The following EYS variants were observed in gnomAD, a reference collection of about 807,000 sequenced individuals.
The protein encoded by EYS is EGF-like photoreceptor maintenance factor, also known as protein eyes shut homolog.
Under a neutral mutation model 282.1 loss-of-function variants are expected in EYS, and 250 were observed. The ratio of observed to expected loss-of-function variants is 0.89; its 90% CI spans 0.80 to 0.98. The LOEUF is 0.98. Ranked by LOEUF, EYS falls within the 50% of genes least tolerant of loss-of-function variation. The probability of loss-of-function intolerance (pLI) is 0.00; values close to 1 mark genes in which losing one functional copy is unlikely to be tolerated. For synonymous variants in EYS, 1,355 were observed against 1,282.9 expected, an observed-to-expected ratio of 1.06 and a Z score of -1.20; for missense variants, 4,016 against 3,709.0, an observed-to-expected ratio of 1.08 and a Z score of -2.15.
intron 24 of EYS, among the ~76,000 whole-genome samples, chr6:64,605,764 A>G (rs1426654917): frequency 6.6e-6 from 1 of 151,964 alleles, no homozygotes; most frequent in Admixed American, 6.6e-5. Context: ...TGGTAAGAAT[A>G]CATGGAATTA....
In EYS at chr6:65,185,818, T is replaced by G. The variant is rs1314400426; in HGVS notation, c.2023+110045A>C. Reference sequence around the variant, plus strand: ...CCTGGCTACTATTTATAGTATGTTCTTGGTTTTATTATGTGATTTTATTTA... The same window carrying G: ...CCTGGCTACTATTTATAGTATGTTCGTGGTTTTATTATGTGATTTTATTTA... On this transcript the variant is annotated intron_variant, in intron 12 of 42. Transcript: ENST00000503581. Among the ~76,000 whole-genome samples the G allele has an allele frequency of 4.6e-5, 7 of 151,830 alleles. No individual in the cohort carries two copies. The Admixed American group carries it at 4.6e-4, about 10-fold the overall frequency.
At chr6:65,582,123 G>A (rs1764895289) in intron 2 of EYS, among the ~76,000 whole-genome samples, 1 of 151,664 alleles carries the variant, frequency 6.6e-6, no homozygotes, top group Non-Finnish European at 1.5e-5. Context: ...TTGAACCCAG[G>A]AGGCGGAGGT....
At position 64,969,119 on chromosome 6, in the gene EYS, C is replaced by A. The variant is rs531675117; in HGVS notation, c.2260-23205G>T. Among the ~76,000 whole-genome samples, 32 of 152,024 alleles carry A rather than the reference C, an allele frequency of 2.1e-4. No homozygotes were observed. In the South Asian group the frequency reaches 6.4e-3, roughly 31 times the overall value. The stretch of plus-strand genomic sequence containing the variant: ...AAAAAAAAAATCTCATTTCCTAAAA[C>A]TTTTCCTGGGGAATCTCCCTTAAAA... On this transcript the variant is annotated intron_variant, in intron 14 of 42. Transcript: ENST00000503581.
chr6:64,467,970 A>T (rs938308884), intron 26 of EYS, among the ~76,000 whole-genome samples: 1 of 151,994 alleles, frequency 6.6e-6, no homozygotes, highest in African/African-American at 2.4e-5. Flanking sequence ...TACTACCACC[A>T]TTAACAACAT....
chr6:64,133,316 C>T (rs957738103), intron 31 of EYS, among the ~76,000 whole-genome samples: 6 of 151,980 alleles, frequency 3.9e-5, no homozygotes, highest in African/African-American at 1.4e-4. Flanking sequence ...GAAAGGTAGA[C>T]GTTCCCATAT....
intron 2 of EYS, among the ~76,000 whole-genome samples, chr6:65,580,877 AAGG>A (rs1764842318): frequency 6.6e-6 from 1 of 152,048 alleles, no homozygotes; most frequent in Non-Finnish European, 1.5e-5. Flanking sequence ...TTTTTATCTC[AAGG>A]TAAGCCTGAA....
At chr6:64,141,628 A>G (rs893952259) in intron 31 of EYS, among the ~76,000 whole-genome samples, 2 of 152,202 alleles carry the variant, frequency 1.3e-5, no homozygotes, top group Non-Finnish European at 2.9e-5. Context: ...CTGACTGAAA[A>G]AAGTATTTAA....
chr6:65,332,431 T>A, intron 11 of EYS: 1 of 1,382,148 alleles, frequency 7.2e-7, no homozygotes, highest in Non-Finnish European at 1.0e-6. Context: ...TGAATTAATT[T>A]GGGAAGAATT....
rs911240009 is a variant in EYS at position 64,591,403 on chromosome 6, G to A, written c.4464C>T (p.Ser1488=). Residue 1488 remains serine, a synonymous_variant, in exon 26 of 43, where the codon AGC becomes AGT. Coordinates refer to ENST00000503581, the MANE Select transcript of EYS (RefSeq NM_001142800.2). ...CAGGAAAAATGGGAGACATCGAGGG[G>A]CTGAGCAATCTCCAGTGCTCTCTTC... is the stretch of plus-strand genomic sequence containing the variant. The part of the protein sequence containing the change: ...ISRREHWRLL[S]PSMSPIFPAK... The A allele has an allele frequency of 6.4e-7, 1 of 1,551,108 alleles. No homozygotes were observed. Among genetic ancestry groups the A allele is most frequent in the African/African-American group, 1.4e-5 (1 of 73,002 alleles).
intron 8 of EYS, among the ~76,000 whole-genome samples, chr6:65,377,111 C>G (rs568818020): frequency 1.2e-4 from 18 of 152,190 alleles, no homozygotes; most frequent in East Asian, 7.7e-4. Flanking sequence ...TAAAATCAAC[C>G]ACATAATTGG....
intron 24 of EYS, among the ~76,000 whole-genome samples, chr6:64,604,021 C>A (rs149888350): frequency 1.2e-3 from 180 of 152,014 alleles, no homozygotes; most frequent in African/African-American, 4.0e-3. Context: ...TTCTCATTCC[C>A]CTAATCTGCA....
chr6:64,594,872 A>G (rs930335830), intron 24 of EYS, among the ~76,000 whole-genome samples: 2 of 151,864 alleles, frequency 1.3e-5, no homozygotes, highest in Non-Finnish European at 2.9e-5. Context: ...ATATAAAAAA[A>G]AGAAAAGAAC....
intron 8 of EYS, among the ~76,000 whole-genome samples, chr6:65,360,056 TTTAA>T (rs1361650427): frequency 3.9e-5 from 6 of 152,126 alleles, no homozygotes; most frequent in African/African-American, 1.4e-4. Context: ...CAATGGAAGT[TTTAA>T]TTGACACATA....
chr6:64,335,735 G>A (rs1184802204), intron 29 of EYS, among the ~76,000 whole-genome samples: 1 of 152,090 alleles, frequency 6.6e-6, no homozygotes, highest in Non-Finnish European at 1.5e-5. Context: ...AAAAGCACCA[G>A]GTGACCTATA....
Position 64,813,737 on chromosome 6 carries a change from C to T in EYS, c.3244-160G>A, listed in dbSNP as rs140283964. 0.045 allele frequency among the ~76,000 whole-genome samples: 6,884 copies of T among 151,918 alleles called. 222 individuals are homozygous for T. The highest frequency in any genetic ancestry group is 0.11 in the Middle Eastern group (32 of 294). ...TGAAATATATGTTTATGACAGTAAG[C>T]GGTTTTTTACCTTTTATTACCAGAA... On this transcript the variant is annotated intron_variant, in intron 21 of 42. Transcript: ENST00000503581.
intron 12 of EYS, among the ~76,000 whole-genome samples, chr6:65,282,743 T>A (rs1251613599): frequency 6.6e-6 from 1 of 151,984 alleles, no homozygotes; most frequent in African/African-American, 2.4e-5. Context: ...CATGTGCACA[T>A]TTTAACTTTA....
At chr6:65,322,999 CT>C (rs1769519429) in intron 11 of EYS, among the ~76,000 whole-genome samples, 1 of 151,768 alleles carries the variant, frequency 6.6e-6, no homozygotes, top group South Asian at 2.1e-4. Flanking sequence ...AGTTTTTGCC[CT>C]TTTTCCCTTA....
At chr6:63,752,884 C>T (rs1182854153) in intron 41 of EYS, among the ~76,000 whole-genome samples, 1 of 151,824 alleles carries the variant, frequency 6.6e-6, no homozygotes, top group African/African-American at 2.4e-5. Flanking sequence ...GGTGTGATGG[C>T]TGGAATGTTT....
At chr6:65,014,127 T>C (rs1771970748) in intron 13 of EYS, among the ~76,000 whole-genome samples, 1 of 152,180 alleles carries the variant, frequency 6.6e-6, no homozygotes, top group Admixed American at 6.5e-5. Flanking sequence ...GAATGGCATC[T>C]GGTTTGCAGC....
Sources: gnomAD v4.1 joint callset for allele counts (sites outside exome capture counted in the v4.1 genomes callset) on GRCh38, gnomAD v4.1.1 for gene constraint, MANE v1.5 for transcripts, NCBI Gene and HGNC (gene_info 2026-07-23, HGNC 2026-07-21) for gene names.